SRFBP1: variants seen among roughly 807,000 people sequenced by gnomAD.
The protein encoded by SRFBP1 is serum response factor binding protein 1, also known as serum response factor-binding protein 1.
SRFBP1 carries 47 observed loss-of-function variants against 45.5 expected under a neutral mutation model. That is an observed-to-expected ratio of 1.03 (90% confidence interval 0.82 to 1.32). The LOEUF (loss-of-function observed/expected upper bound fraction) is 1.32. SRFBP1 is among the 40% of genes most tolerant of loss of function. SRFBP1 has a pLI of 0.00. For missense variants in SRFBP1, 621 were observed against 484.6 expected (o/e 1.28, Z -2.64); for synonymous variants, 203 against 166.3 (o/e 1.22, Z -1.70).
chr5:122,000,931 G>A (rs1258524640), intron 4 of SRFBP1, among the ~76,000 whole-genome samples: 2 of 152,050 alleles, frequency 1.3e-5, no homozygotes, highest in Non-Finnish European at 2.9e-5. Flanking sequence ...TGTGTTCCCA[G>A]AGGATACATT....
intron 2 of SRFBP1, among the ~76,000 whole-genome samples, chr5:122,042,453 A>C (rs879826460): frequency 1.3e-5 from 2 of 151,984 alleles, no homozygotes; most frequent in Admixed American, 1.3e-4. Context: ...ACATCTTGCT[A>C]TGTTGCCCAG....
At chr5:121,988,694 G>A (rs1451269939) in intron 3 of SRFBP1, among the ~76,000 whole-genome samples, 1 of 152,174 alleles carries the variant, frequency 6.6e-6, no homozygotes, top group Non-Finnish European at 1.5e-5. Context: ...CACATTAACC[G>A]TAAATCACAT....
chr5:122,064,885 A>G (rs1185695917), intron 2 of SRFBP1: 1 of 152,118 alleles, frequency 6.6e-6, no homozygotes, highest in East Asian at 1.9e-4. Flanking sequence ...TTAAGAATCA[A>G]TAAAATGATA....
intron 6 of SRFBP1, among the ~76,000 whole-genome samples, chr5:122,021,110 A>C (rs1484735707): frequency 1.3e-5 from 2 of 152,242 alleles, no homozygotes; most frequent in African/African-American, 4.8e-5. Flanking sequence ...AAACTTTTGA[A>C]AATGTTTCAT....
intron 4 of SRFBP1, among the ~76,000 whole-genome samples, chr5:122,007,328 G>A (rs1046821036): frequency 6.6e-6 from 1 of 151,960 alleles, no homozygotes; most frequent in African/African-American, 2.4e-5. Context: ...TGGACCCTGG[G>A]TCTGCTGGAG....
intron 2 of SRFBP1, among the ~76,000 whole-genome samples, chr5:122,036,149 C>G (rs1171333333): frequency 6.6e-6 from 1 of 152,166 alleles, no homozygotes; most frequent in Non-Finnish European, 1.5e-5. Context: ...GAGATGAGCT[C>G]TGAACTAACA....
At chr5:121,976,442 G>A (rs917483868) in intron 3 of SRFBP1, among the ~76,000 whole-genome samples, 2 of 151,046 alleles carry the variant, frequency 1.3e-5, no homozygotes, top group Admixed American at 6.6e-5. Context: ...GTGTCTCTGT[G>A]GTTTGCAGAT....
At chr5:121,997,104 G>A (rs1239885438) in intron 4 of SRFBP1, among the ~76,000 whole-genome samples, 1 of 136,688 alleles carries the variant, frequency 7.3e-6, no homozygotes, top group Non-Finnish European at 1.5e-5. Flanking sequence ...GTAATTTACA[G>A]ATTCAATGCC....
chr5:122,003,800 C>A (rs892596005), intron 4 of SRFBP1, among the ~76,000 whole-genome samples: 1 of 152,084 alleles, frequency 6.6e-6, no homozygotes, highest in Admixed American at 6.5e-5. Context: ...TTTGCATTTC[C>A]CTAATGATTA....
intron 2 of SRFBP1, chr5:122,066,770 A>G (rs1754311805): frequency 6.6e-7 from 1 of 1,519,490 alleles, no homozygotes; most frequent in African/African-American, 1.4e-5. Context: ...AAGACAAAAT[A>G]AGACAAATTA....
downstream of SRFBP1, chr5:122,077,144 G>A: frequency 6.8e-7 from 1 of 1,469,796 alleles, no homozygotes; most frequent in Non-Finnish European, 9.0e-7. The surrounding 1 kb of genome is among the most constrained non-coding windows in gnomAD (Gnocchi z 4.9). Context: ...GAGAACTGGG[G>A]ACGCCCGGGA....
chr5:121,977,140 A>G (rs1752318863), intron 3 of SRFBP1, among the ~76,000 whole-genome samples: 1 of 152,110 alleles, frequency 6.6e-6, no homozygotes, highest in African/African-American at 2.4e-5. Context: ...GTAGGTTTAC[A>G]AGATTACCAC....
chr5:122,000,831 A>C (rs1294116780), intron 4 of SRFBP1, among the ~76,000 whole-genome samples: 1 of 152,134 alleles, frequency 6.6e-6, no homozygotes, highest in South Asian at 2.1e-4. Context: ...TTAGAAGAAA[A>C]GAAACCAGAA....
intron 2 of SRFBP1, among the ~76,000 whole-genome samples, chr5:122,048,394 C>G (rs186647264): frequency 5.9e-4 from 90 of 152,266 alleles, no homozygotes; most frequent in East Asian, 5.0e-3. Context: ...AGGGGTGAAG[C>G]CCACTTGATC....
intron 3 of SRFBP1, among the ~76,000 whole-genome samples, chr5:121,990,675 A>G (rs1007253176): frequency 1.3e-5 from 2 of 152,196 alleles, no homozygotes; most frequent in African/African-American, 4.8e-5. Flanking sequence ...TCAAAGGTGA[A>G]TAAGACACCA....
At chr5:121,979,325 T>C (rs961067256) in intron 3 of SRFBP1, among the ~76,000 whole-genome samples, 4 of 152,210 alleles carry the variant, frequency 2.6e-5, no homozygotes, top group Non-Finnish European at 5.9e-5. Context: ...TCTGGTTATA[T>C]ATGCTTTTTT....
intron 4 of SRFBP1, among the ~76,000 whole-genome samples, chr5:122,010,105 A>T (rs1049187323): frequency 1.3e-5 from 2 of 152,134 alleles, no homozygotes; most frequent in Admixed American, 6.5e-5. Context: ...AAATTTTTTT[A>T]AATTAATTTC....
intron 3 of SRFBP1, among the ~76,000 whole-genome samples, chr5:121,982,955 A>C (rs1016121594): frequency 1.3e-5 from 2 of 151,836 alleles, no homozygotes; most frequent in African/African-American, 4.8e-5. Context: ...AGCACTTTTA[A>C]ATTATTAATT....
downstream of SRFBP1, chr5:122,077,581 G>T (rs145419954): frequency 3.0e-5 from 48 of 1,612,740 alleles, 1 homozygote; most frequent in African/African-American, 5.6e-4. This position sits in a 1 kb window ranked among gnomAD's most constrained non-coding sequence, Gnocchi z 4.9. Flanking sequence ...CGCCAGCTTC[G>T]CGGGCTCTAG....
Sources: gnomAD v4.1 joint callset for allele counts (sites outside exome capture counted in the v4.1 genomes callset) on GRCh38, gnomAD v4.1.1 for gene constraint, Gnocchi (gnomAD v3.1) non-coding constraint, MANE v1.5 for transcripts, NCBI Gene and HGNC (gene_info 2026-07-23, HGNC 2026-07-21) for gene names.